Variants in HHLA2 observed in about 807,000 individuals in gnomAD.
HHLA2 encodes the protein HERV-H LTR-associating protein 2.
Under a neutral mutation model 45.9 loss-of-function variants are expected in HHLA2, and 48 were observed. That is an observed-to-expected ratio of 1.05 (90% confidence interval 0.83 to 1.33). HHLA2 has a LOEUF of 1.33. Ranked by LOEUF, HHLA2 falls within the 40% of genes most tolerant of loss-of-function variation. The pLI, the probability that HHLA2 is intolerant of heterozygous loss-of-function variation, is 0.00. For missense variants in HHLA2, 462 were observed against 494.3 expected (o/e 0.93, Z 0.62); for synonymous variants, 161 against 173.9 (o/e 0.93, Z 0.59).
intron 7 of HHLA2, among the ~76,000 whole-genome samples, chr3:108,359,764 A>C (rs2107477000): frequency 6.6e-6 from 1 of 152,252 alleles, no homozygotes; most frequent in Middle Eastern, 3.4e-3. Context: ...ATTCCTACTT[A>C]ATCTCTCCTT....
At chr3:108,366,817 T>C (rs112641747) in intron 8 of HHLA2, among the ~76,000 whole-genome samples, 13,755 of 152,290 alleles carry the variant, frequency 0.09, 864 homozygotes, top group Non-Finnish European at 0.13. Context: ...AGTTGTGATA[T>C]CCCCTTTATC....
intron 6 of HHLA2, 22 bp from the exon 6 acceptor site, chr3:108,357,822 T>C: frequency 6.4e-7 from 1 of 1,556,650 alleles, no homozygotes; most frequent in South Asian, 1.2e-5. Context: ...CATTGATGTT[T>C]TCTTTTCTAT....
intron 3 of HHLA2, among the ~76,000 whole-genome samples, chr3:108,332,062 T>C (rs889794299): frequency 1.2e-4 from 19 of 152,172 alleles, no homozygotes; most frequent in African/African-American, 4.6e-4. Context: ...ACCACGTTAG[T>C]TTCTTTTGAC....
At chr3:108,350,289 G>C (rs1226485757) in intron 3 of HHLA2, among the ~76,000 whole-genome samples, 1 of 152,060 alleles carries the variant, frequency 6.6e-6, no homozygotes, top group African/African-American at 2.4e-5. Flanking sequence ...TCATAACTTT[G>C]TCATATTGCA....
chr3:108,339,381 C>T (rs975623044), intron 3 of HHLA2, among the ~76,000 whole-genome samples: 3 of 152,164 alleles, frequency 2.0e-5, no homozygotes, highest in Admixed American at 6.5e-5. Context: ...TAGAAGGCCT[C>T]AAAGTCATAA....
intron 2 of HHLA2, among the ~76,000 whole-genome samples, chr3:108,321,090 TTA>T (rs1491122060): frequency 1.1e-4 from 1 of 9,426 alleles, no homozygotes. Flanking sequence ...CTCCAGGTGT[TTA>T]AAAAAAAAAA....
chr3:108,345,042 A>C (rs1480607227), intron 3 of HHLA2, among the ~76,000 whole-genome samples: 1 of 152,210 alleles, frequency 6.6e-6, no homozygotes, highest in Non-Finnish European at 1.5e-5. Flanking sequence ...CTCTGCTTCC[A>C]GGGAACCAAC....
intron 2 of HHLA2, chr3:108,311,762 A>G (rs946541264): frequency 1.3e-5 from 2 of 152,208 alleles, no homozygotes; most frequent in African/African-American, 4.8e-5. Context: ...TTTAATCTCA[A>G]GAGATGTCTA....
chr3:108,328,467 T>A (rs113098825), intron 3 of HHLA2: 3 of 649,568 alleles, frequency 4.6e-6, no homozygotes, highest in Non-Finnish European at 7.4e-6. Context: ...ATAATTCTTA[T>A]AACAGTGATT....
At chr3:108,353,696 A>G in exon 5 of HHLA2, 2 of 1,613,724 alleles carry the variant, frequency 1.2e-6, no homozygotes, top group South Asian at 1.1e-5. Context: ...CAGAAGAGTA[A>G]GCCTTCTGGA....
At chr3:108,300,005 A>T (rs1026110094) in intron 1 of HHLA2, among the ~76,000 whole-genome samples, 5 of 152,086 alleles carry the variant, frequency 3.3e-5, no homozygotes, top group African/African-American at 9.7e-5. Context: ...GAAAAAGGAG[A>T]TAGGGAAATG....
intron 1 of HHLA2, among the ~76,000 whole-genome samples, chr3:108,298,586 T>C (rs1323139917): frequency 6.6e-6 from 1 of 152,252 alleles, no homozygotes; most frequent in Admixed American, 6.5e-5. Flanking sequence ...TTTCTCTGGA[T>C]ATTCATTTCC....
intron 2 of HHLA2, among the ~76,000 whole-genome samples, chr3:108,311,227 T>A (rs1447529798): frequency 6.6e-6 from 1 of 152,216 alleles, no homozygotes; most frequent in East Asian, 1.9e-4. Context: ...TGGGATGGCC[T>A]TGGTCTAAAC....
At chr3:108,349,404 T>C (rs55643004) in intron 3 of HHLA2, among the ~76,000 whole-genome samples, 2,510 of 152,220 alleles carry the variant, frequency 0.016, 68 homozygotes, top group African/African-American at 0.057. Flanking sequence ...AAGAAATGGA[T>C]AAATTCCTGG....
chr3:108,353,884 C>A, intron 5 of HHLA2, 104 bp downstream of exon 4: 1 of 778,494 alleles, frequency 1.3e-6, no homozygotes. Flanking sequence ...CAAGTCAATA[C>A]ATGGAAATCT....
intron 6 of HHLA2, 147 bp from the exon 6 acceptor site, chr3:108,357,697 C>A: frequency 4.4e-6 from 3 of 677,902 alleles, no homozygotes; most frequent in Non-Finnish European, 7.2e-6. Flanking sequence ...TTTAAGAAAC[C>A]ACAGTACAAA....
intron 3 of HHLA2, among the ~76,000 whole-genome samples, chr3:108,332,934 C>A (rs1227812848): frequency 6.6e-6 from 1 of 152,060 alleles, no homozygotes; most frequent in Non-Finnish European, 1.5e-5. Context: ...AAAAAGAAAC[C>A]CCCAAATAAT....
rs2082231614 is a variant in HHLA2, at chr3:108,374,194, T to G, written c.1109-1556T>G. On this transcript the variant is annotated intron_variant, in intron 8 of 10. Transcript: ENST00000619531. ...ATGCCGCATATCTACAACCATCTGA[T>G]CTTTGACAAACCTGACAAAAACAAG... Among the ~76,000 whole-genome samples the G allele has an allele frequency of 2.0e-5, 3 of 150,926 alleles. No homozygotes were observed. In the South Asian group the frequency reaches 6.2e-4, roughly 31 times the overall value.
At chr3:108,336,122 T>G (rs2081468286) in intron 3 of HHLA2, among the ~76,000 whole-genome samples, 1 of 152,100 alleles carries the variant, frequency 6.6e-6, no homozygotes, top group African/African-American at 2.4e-5. Flanking sequence ...AGGGGAGTTA[T>G]TTGATCAAAA....
Sources: gnomAD v4.1 joint callset for allele counts (sites outside exome capture counted in the v4.1 genomes callset) on GRCh38, gnomAD v4.1.1 for gene constraint, MANE v1.5 for transcripts, NCBI Gene and HGNC (gene_info 2026-07-23, HGNC 2026-07-21) for gene names.